Variants in ZCCHC7 observed in about 807,000 individuals in gnomAD.
ZCCHC7 encodes zinc finger CCHC domain-containing protein 7.
ZCCHC7 carries 35 observed loss-of-function variants against 52.0 expected under a neutral mutation model. That is an observed-to-expected ratio of 0.67 (90% CI 0.51 to 0.89). The LOEUF (loss-of-function observed/expected upper bound fraction) is 0.89, where lower values mean the gene tolerates loss of function less well. Among genes scored for constraint, ZCCHC7 ranks in the 40% least tolerant of loss-of-function variants. The pLI is 0.00. For missense variants in ZCCHC7, 574 were observed against 649.1 expected (o/e 0.88, Z 1.26); for synonymous variants, 217 against 221.5 (o/e 0.98, Z 0.18).
chr9:37,293,025 T>C (rs1418157103), intron 2 of ZCCHC7, among the ~76,000 whole-genome samples: 1 of 152,122 alleles, frequency 6.6e-6, no homozygotes, highest in Non-Finnish European at 1.5e-5. Context: ...TAGGTTAAGA[T>C]GCAAACAAAC....
upstream of ZCCHC7, chr9:37,120,500 C>T (rs759257151): frequency 2.5e-6 from 1 of 398,880 alleles, no homozygotes; most frequent in Non-Finnish European, 4.4e-6. Context: ...TGTGTTGTCC[C>T]CGGAAGTGCC....
At chr9:37,189,803 A>T (rs538036621) in intron 2 of ZCCHC7, among the ~76,000 whole-genome samples, 4 of 152,104 alleles carry the variant, frequency 2.6e-5, no homozygotes, top group Non-Finnish European at 2.9e-5. Context: ...TTGCAGTCTT[A>T]CTCAGAACTG....
intron 2 of ZCCHC7, among the ~76,000 whole-genome samples, chr9:37,289,082 C>T (rs1408252526): frequency 6.6e-6 from 1 of 152,020 alleles, no homozygotes; most frequent in East Asian, 1.9e-4. Flanking sequence ...TTTTTAGTTG[C>T]AGTAATTATC....
chr9:37,268,721 C>T (rs976127629), intron 2 of ZCCHC7, among the ~76,000 whole-genome samples: 3 of 152,180 alleles, frequency 2.0e-5, no homozygotes, highest in Non-Finnish European at 4.4e-5. Context: ...CCACCGCGCC[C>T]GGCCGCAAAA....
At chr9:37,175,783 C>T (rs1001792557) in intron 2 of ZCCHC7, among the ~76,000 whole-genome samples, 2 of 152,090 alleles carry the variant, frequency 1.3e-5, no homozygotes, top group African/African-American at 4.8e-5. Flanking sequence ...TGCCTCATTC[C>T]CCACAAAATG....
In ZCCHC7 at chr9:37,212,199, G is replaced by A. The variant is rs183316263; in HGVS notation, c.610+85257G>A. 2.0e-3 allele frequency among the ~76,000 whole-genome samples: 306 copies of A among 152,074 alleles called. 4 individuals carry two copies. Among genetic ancestry groups the A allele is most frequent in the Non-Finnish European group, 3.4e-3 (229 of 67,986 alleles). On this transcript the variant is annotated intron_variant, in intron 2 of 8. Transcript: ENST00000336755. The stretch of plus-strand genomic sequence containing the variant: ...AGGAGGCACTACTGGCATTCAGTGG[G>A]TAGAGGCCAGAGTTGTTGCTAAACA...
chr9:37,148,368 A>G (rs1264914806), intron 2 of ZCCHC7, among the ~76,000 whole-genome samples: 2 of 152,074 alleles, frequency 1.3e-5, no homozygotes, highest in Admixed American at 6.6e-5. Context: ...GAGGAAAGAT[A>G]CTGCTTTCAT....
intron 2 of ZCCHC7, among the ~76,000 whole-genome samples, chr9:37,213,312 C>T (rs770659605): frequency 3.3e-5 from 5 of 152,030 alleles, no homozygotes; most frequent in African/African-American, 4.8e-5. Context: ...AGGGGGCAAG[C>T]AAATAGTTTT....
chr9:37,327,469 T>C (rs548595206), intron 5 of ZCCHC7: 1 of 245,864 alleles, frequency 4.1e-6, no homozygotes, highest in African/African-American at 2.2e-5. Context: ...CTTGGTGAGT[T>C]TTATTGATTT....
chr9:37,137,878 G>T (rs535129577), intron 2 of ZCCHC7, among the ~76,000 whole-genome samples: 1 of 152,264 alleles, frequency 6.6e-6, no homozygotes, highest in South Asian at 2.1e-4. Flanking sequence ...TCGTCTTAAT[G>T]TCAGTAGTTT....
chr9:37,191,996 T>G (rs1465001366), intron 2 of ZCCHC7, among the ~76,000 whole-genome samples: 1 of 152,372 alleles, frequency 6.6e-6, no homozygotes, highest in East Asian at 1.9e-4. Context: ...TATAAAGAGC[T>G]AAAAATTCTC....
chr9:37,330,157 G>A (rs374843679), intron 6 of ZCCHC7, among the ~76,000 whole-genome samples: 1 of 150,274 alleles, frequency 6.7e-6, no homozygotes, highest in African/African-American at 2.4e-5. Context: ...ACAGAATATT[G>A]TTTCTCAAAC....
chr9:37,241,121 A>G (rs1825855748), intron 2 of ZCCHC7, among the ~76,000 whole-genome samples: 1 of 151,820 alleles, frequency 6.6e-6, no homozygotes, highest in Admixed American at 6.6e-5. Context: ...TATCTGGGTC[A>G]AAGATATTTT....
intron 2 of ZCCHC7, among the ~76,000 whole-genome samples, chr9:37,208,905 T>C (rs1261697147): frequency 6.6e-6 from 1 of 152,238 alleles, no homozygotes; most frequent in Non-Finnish European, 1.5e-5. Flanking sequence ...TCTTTATCTT[T>C]CTGATCTTAT....
chr9:37,252,991 CTGTT>C (rs1389524173), intron 2 of ZCCHC7, among the ~76,000 whole-genome samples: 2 of 151,978 alleles, frequency 1.3e-5, no homozygotes, highest in Admixed American at 1.3e-4. Context: ...TTAAAATGAG[CTGTT>C]TGTTTCCTTC....
intron 6 of ZCCHC7, among the ~76,000 whole-genome samples, chr9:37,339,196 T>A (rs1258682896): frequency 6.6e-6 from 1 of 152,214 alleles, no homozygotes; most frequent in East Asian, 1.9e-4. Flanking sequence ...AAAACAGCAC[T>A]CTTTTAAAAT....
chr9:37,268,722 G>A (rs762971444), intron 2 of ZCCHC7, among the ~76,000 whole-genome samples: 14 of 152,126 alleles, frequency 9.2e-5, no homozygotes, highest in Non-Finnish European at 1.8e-4. Context: ...CACCGCGCCC[G>A]GCCGCAAAAT....
chr9:37,228,835 CTT>C lies in ZCCHC7; in HGVS notation c.611-73336_611-73335del, dbSNP rs573237575. ...ATTATAATATGTGAAAAAGAGGGAA[CTT>C]TTTTTTTTTTTTTTTTGAGACAGAG... On this transcript the variant is annotated intron_variant, in intron 2 of 8. Coordinates refer to ENST00000336755, the MANE Select transcript of ZCCHC7 (RefSeq NM_032226.3). 3.4e-3 allele frequency among the ~76,000 whole-genome samples: 443 copies of C among 130,424 alleles called. 2 individuals carry two copies. Among genetic ancestry groups the C allele is most frequent in the African/African-American group, 0.012 (405 of 34,864 alleles). 85.6% of individuals were successfully genotyped at this position (130,424 alleles called of 152,430 possible). A position where few individuals can be genotyped will look rare whatever the true frequency, so the allele number is the denominator to read the frequency against.
Position 37,354,928 on chromosome 9 carries a change from G to A in ZCCHC7, c.1198+104G>A. 1.5e-6 allele frequency: 1 copy of A among 661,206 alleles called. No individual in the cohort carries two copies. Among genetic ancestry groups the A allele is most frequent in the Non-Finnish European group, 2.5e-6 (1 of 403,310 alleles). The allele number at this position is 661,206 out of a possible 1,614,324, so 41.0% of individuals were successfully genotyped here. ...TGGGGGTCATTGGTTAGCATAGAAA[G>A]TATTTTTAGTAATTACCAAAGAGAC... On this transcript the variant is annotated intron_variant, in intron 8 of 8. Coordinates refer to ENST00000336755, the MANE Select transcript of ZCCHC7 (RefSeq NM_032226.3). The surrounding 1 kb of genome is among the most constrained non-coding windows in gnomAD (Gnocchi z 4.0).
Sources: gnomAD v4.1 joint callset for allele counts (sites outside exome capture counted in the v4.1 genomes callset) on GRCh38, gnomAD v4.1.1 for gene constraint, Gnocchi (gnomAD v3.1) non-coding constraint, MANE v1.5 for transcripts, NCBI Gene and HGNC (gene_info 2026-07-23, HGNC 2026-07-21) for gene names.